Variants in DCUN1D4 observed in about 807,000 individuals in gnomAD.
The protein encoded by DCUN1D4 is DCN1-like protein 4.
DCUN1D4 carries 22 observed loss-of-function variants against 47.9 expected under a neutral mutation model. The ratio of observed to expected loss-of-function variants is 0.46; its 90% CI spans 0.33 to 0.66. The LOEUF is 0.66. Among genes scored for constraint, DCUN1D4 ranks in the 30% least tolerant of loss-of-function variants. The pLI, the probability that DCUN1D4 is intolerant of heterozygous loss-of-function variation, is 0.02. For missense variants in DCUN1D4, 301 were observed against 340.8 expected (o/e 0.88, Z 0.92); for synonymous variants, 121 against 112.2 (o/e 1.08, Z -0.50).
intron 7 of DCUN1D4, among the ~76,000 whole-genome samples, chr4:51,892,231 C>T (rs1358265166): frequency 1.3e-5 from 2 of 152,094 alleles, no homozygotes; most frequent in Non-Finnish European, 2.9e-5. Flanking sequence ...CCAAACAGTC[C>T]AACATATTTT....
chr4:51,848,307 G>A (rs1370876508), intron 1 of DCUN1D4: 66 of 1,288,298 alleles, frequency 5.1e-5, no homozygotes, highest in East Asian at 1.1e-4. Context: ...ATGTGCACAC[G>A]TCCGTTTCTG....
At chr4:51,900,107 G>A (rs748709775) in intron 8 of DCUN1D4, among the ~76,000 whole-genome samples, 31 of 152,244 alleles carry the variant, frequency 2.0e-4, no homozygotes, top group Admixed American at 1.6e-3. Context: ...AGGTGACTAG[G>A]CTTTCTTGTT....
intron 9 of DCUN1D4, among the ~76,000 whole-genome samples, chr4:51,911,840 G>C (rs1048925054): frequency 3.3e-5 from 5 of 152,072 alleles, no homozygotes; most frequent in Admixed American, 1.3e-4. Context: ...GAGTTACTTG[G>C]GTTGTCATAT....
At chr4:51,862,087 G>T (rs1424665143) in intron 1 of DCUN1D4, among the ~76,000 whole-genome samples, 1 of 152,234 alleles carries the variant, frequency 6.6e-6, no homozygotes, top group African/African-American at 2.4e-5. Flanking sequence ...ATTCAAGCAT[G>T]TCTATATTGG....
intron 3 of DCUN1D4, among the ~76,000 whole-genome samples, chr4:51,867,377 G>A (rs556268101): frequency 6.6e-6 from 1 of 152,342 alleles, no homozygotes; most frequent in South Asian, 2.1e-4. Context: ...TTTCAGCCCT[G>A]TTTGTGTTAC....
At chr4:51,859,794 A>G (rs577280021) in intron 1 of DCUN1D4, among the ~76,000 whole-genome samples, 3 of 152,240 alleles carry the variant, frequency 2.0e-5, no homozygotes, top group Non-Finnish European at 2.9e-5. Flanking sequence ...AATACAGACT[A>G]TAGAGTTGCC....
At chr4:51,846,812 C>A (rs1398765379) in intron 1 of DCUN1D4, among the ~76,000 whole-genome samples, 1 of 152,164 alleles carries the variant, frequency 6.6e-6, no homozygotes, top group Non-Finnish European at 1.5e-5. Flanking sequence ...GATCTAGGTT[C>A]TGCATCTTTT....
chr4:51,901,379 C>T (rs1164540406), intron 8 of DCUN1D4, among the ~76,000 whole-genome samples: 1 of 152,178 alleles, frequency 6.6e-6, no homozygotes, highest in Admixed American at 6.5e-5. Flanking sequence ...AAACCTAGGC[C>T]TTCTGTCTCC....
intron 5 of DCUN1D4, among the ~76,000 whole-genome samples, chr4:51,881,200 G>A (rs1728551058): frequency 6.6e-6 from 1 of 152,072 alleles, no homozygotes; most frequent in Non-Finnish European, 1.5e-5. Flanking sequence ...ATATATCTAA[G>A]AATAAGGAAT....
chr4:51,873,538 C>A (rs1034953132), intron 3 of DCUN1D4, among the ~76,000 whole-genome samples: 1 of 152,208 alleles, frequency 6.6e-6, no homozygotes, highest in African/African-American at 2.4e-5. Flanking sequence ...ATAGTTCTTT[C>A]CTCATGGAAA....
At position 51,849,963 on chromosome 4, in the gene DCUN1D4, A is replaced by G. The variant is rs369682967; in HGVS notation, c.25+6696A>G. Among the ~76,000 whole-genome samples, 13 of 152,284 alleles carry G rather than the reference A, an allele frequency of 8.5e-5. No homozygotes were observed. The East Asian group carries it at 2.1e-3, about 25-fold the overall frequency. On this transcript the variant is annotated intron_variant, in intron 1 of 10. Coordinates refer to ENST00000334635, the MANE Select transcript of DCUN1D4 (RefSeq NM_001040402.3). ...TTATTTAGGTATAATTTCACGTATT[A>G]TAAAATTATACTCATTTTAAGTGTT...
rs796738141 is a variant in DCUN1D4, at chr4:51,910,272, A to G, written c.616-798A>G. Reference sequence around the variant, plus strand: ...GAATGGAAGCATATAAGAAAGACGGAAATGAGAAATTAGGATCCTTAATTG... The same window carrying G: ...GAATGGAAGCATATAAGAAAGACGGGAATGAGAAATTAGGATCCTTAATTG... On this transcript the variant is annotated intron_variant, in intron 8 of 10. Coordinates refer to ENST00000334635, the MANE Select transcript of DCUN1D4 (RefSeq NM_001040402.3). Among the ~76,000 whole-genome samples, 65 of 152,326 alleles carry G rather than the reference A, an allele frequency of 4.3e-4. 1 individual carries two copies. The highest frequency in any genetic ancestry group is 1.5e-3 in the African/African-American group (63 of 41,580).
At chr4:51,853,168 C>A (rs773073037) in intron 1 of DCUN1D4, among the ~76,000 whole-genome samples, 41 of 152,282 alleles carry the variant, frequency 2.7e-4, no homozygotes, top group Non-Finnish European at 5.9e-4. Flanking sequence ...TGGATGGATG[C>A]TGCCTCCCTT....
intron 8 of DCUN1D4, among the ~76,000 whole-genome samples, chr4:51,908,218 C>T (rs554576314): frequency 6.6e-6 from 1 of 152,094 alleles, no homozygotes; most frequent in Non-Finnish European, 1.5e-5. Context: ...GTATATCTTT[C>T]GTGTATAGAG....
chr4:51,895,577 A>C (rs1731132316), intron 7 of DCUN1D4, among the ~76,000 whole-genome samples: 4 of 151,556 alleles, frequency 2.6e-5, no homozygotes, highest in Admixed American at 2.6e-4. Flanking sequence ...AAAAAAAAAA[A>C]AAAAAAAAAA....
chr4:51,854,883 A>C lies in DCUN1D4; in HGVS notation c.26-8554A>C, dbSNP rs138077025. On this transcript the variant is annotated intron_variant, in intron 1 of 10. Coordinates refer to ENST00000334635, the MANE Select transcript of DCUN1D4 (RefSeq NM_001040402.3). Reference sequence around the variant, plus strand: ...GAAACTTTTTGAGTGCTGACATGACACTTAGAGGAAATGTTCATTGTAGCA... The same window carrying C: ...GAAACTTTTTGAGTGCTGACATGACCCTTAGAGGAAATGTTCATTGTAGCA... 1.5e-3 allele frequency among the ~76,000 whole-genome samples: 232 copies of C among 152,322 alleles called. 1 individual carries two copies. Among genetic ancestry groups the C allele is most frequent in the African/African-American group, 5.4e-3 (226 of 41,572 alleles).
At chr4:51,840,393 A>G (rs1423994138), upstream of DCUN1D4, among the ~76,000 whole-genome samples, 1 of 152,238 alleles carries the variant, frequency 6.6e-6, no homozygotes, top group South Asian at 2.1e-4. Flanking sequence ...ATGGGAAGGG[A>G]GAGTAGTTTA....
At chr4:51,874,426 T>A (rs775459791) in intron 4 of DCUN1D4, 41 bp downstream of exon 4, 1 of 1,451,822 alleles carries the variant, frequency 6.9e-7, no homozygotes, top group South Asian at 1.2e-5. Context: ...GTGATACATA[T>A]GTCGAAGATG....
chr4:51,883,337 CT>C (rs1056695464), intron 5 of DCUN1D4, among the ~76,000 whole-genome samples: 1 of 151,222 alleles, frequency 6.6e-6, no homozygotes, highest in Non-Finnish European at 1.5e-5. Context: ...AGGCAAGTTT[CT>C]TTTTTTTTAC....
Sources: allele counts gnomAD v4.1 joint callset (sites outside exome capture counted in the v4.1 genomes callset), GRCh38; gene constraint gnomAD v4.1.1; transcripts MANE v1.5; gene names NCBI Gene and HGNC (gene_info 2026-07-23, HGNC 2026-07-21).